The following ANO2 variants were observed in gnomAD, a reference collection of about 807,000 sequenced individuals.
ANO2 encodes anoctamin 2, also known as anoctamin-2.
A neutral mutation model predicts 124.2 loss-of-function variants in ANO2; 101 were observed. The ratio of observed to expected loss-of-function variants is 0.81; its 90% CI spans 0.69 to 0.96. The LOEUF (loss-of-function observed/expected upper bound fraction) is 0.96. ANO2 is among the 40% of genes least tolerant of loss of function. The pLI is 0.00. For missense variants in ANO2, 1,293 were observed against 1,274.5 expected (o/e 1.01, Z -0.22); for synonymous variants, 486 against 482.5 (o/e 1.01, Z -0.09).
intron 14 of ANO2, among the ~76,000 whole-genome samples, chr12:5,708,886 A>C (rs1054226470): frequency 6.6e-5 from 10 of 152,166 alleles, no homozygotes; most frequent in African/African-American, 2.4e-4. Flanking sequence ...ACACAGTCCC[A>C]CACCATTTGT....
In ANO2 at chr12:5,563,525, G is replaced by A. The variant is rs866112601; in HGVS notation, c.2771C>T (p.Pro924Leu). 1 of 1,613,966 alleles carries A rather than the reference G, an allele frequency of 6.2e-7. No individual in the cohort carries two copies. Among genetic ancestry groups the A allele is most frequent in the Non-Finnish European group, 8.5e-7 (1 of 1,179,886 alleles). Residue 924 changes from proline to leucine, a missense_variant, in exon 25 of 25, where the codon CCA becomes CTA. Transcript: ENST00000682330. ...FLSVLVDWMI[P>L]DIPTDISDQI... is the part of the protein sequence containing the mutation. The stretch of plus-strand genomic sequence containing the variant: ...GTCGCTGATGTCCGTGGGGATGTCT[G>A]GAATCATCCAGTCCACGAGGACGCT...
At chr12:5,578,260 A>G (rs1243178262) in intron 21 of ANO2, 106 bp downstream of exon 21, 7 of 1,461,598 alleles carry the variant, frequency 4.8e-6, no homozygotes, top group Non-Finnish European at 6.5e-6. Flanking sequence ...CAAAGGGAAG[A>G]GGGGCTTTCC....
chr12:5,672,267 C>T (rs1173249423), intron 14 of ANO2, among the ~76,000 whole-genome samples: 3 of 152,174 alleles, frequency 2.0e-5, no homozygotes, highest in African/African-American at 4.8e-5. Flanking sequence ...AATATATCAA[C>T]TTTAAGGCCC....
At chr12:5,590,992 G>A (rs868499117) in intron 20 of ANO2, among the ~76,000 whole-genome samples, 1 of 152,082 alleles carries the variant, frequency 6.6e-6, no homozygotes, top group African/African-American at 2.4e-5. Context: ...TTCGAGACCT[G>A]GTCATGGTGA....
chr12:5,837,624 A>G (rs1954372675), intron 4 of ANO2, among the ~76,000 whole-genome samples: 1 of 151,930 alleles, frequency 6.6e-6, no homozygotes, highest in Non-Finnish European at 1.5e-5. Flanking sequence ...ATGGTACATG[A>G]CGAAATGAAG....
intron 10 of ANO2, among the ~76,000 whole-genome samples, chr12:5,793,110 A>T (rs114019853): frequency 4.2e-4 from 64 of 152,266 alleles, no homozygotes; most frequent in African/African-American, 1.5e-3. Flanking sequence ...TGTTGTTTTC[A>T]AATATTTAAA....
At chr12:5,891,463 G>C (rs758553344) in intron 3 of ANO2, among the ~76,000 whole-genome samples, 2 of 152,182 alleles carry the variant, frequency 1.3e-5, no homozygotes, top group Non-Finnish European at 2.9e-5. Context: ...AGGGTAAGTA[G>C]ATTCCAAGAT....
intron 14 of ANO2, among the ~76,000 whole-genome samples, chr12:5,684,229 C>T (rs1948614609): frequency 1.3e-5 from 2 of 152,218 alleles, no homozygotes; most frequent in South Asian, 4.1e-4. Context: ...GCCAGCTGCT[C>T]TCTGGTTTTT....
At chr12:5,944,541 G>T (rs1351547911) in intron 1 of ANO2, among the ~76,000 whole-genome samples, 2 of 152,224 alleles carry the variant, frequency 1.3e-5, no homozygotes, top group Non-Finnish European at 2.9e-5. Context: ...GGCAAAGTCA[G>T]TCCTGCCCAA....
intron 10 of ANO2, among the ~76,000 whole-genome samples, chr12:5,789,830 T>C (rs1952646162): frequency 6.6e-6 from 1 of 152,250 alleles, no homozygotes; most frequent in Admixed American, 6.5e-5. Context: ...TTGCGGTTGT[T>C]GTTGTAACGT....
At chr12:5,641,084 T>C (rs1013662520) in intron 15 of ANO2, among the ~76,000 whole-genome samples, 3 of 152,142 alleles carry the variant, frequency 2.0e-5, no homozygotes, top group Admixed American at 6.5e-5. Context: ...GGGACACGGA[T>C]GCAGCTGGAA....
intron 10 of ANO2, among the ~76,000 whole-genome samples, chr12:5,784,324 C>T (rs1272173235): frequency 6.6e-6 from 1 of 152,228 alleles, no homozygotes; most frequent in African/African-American, 2.4e-5. Flanking sequence ...CAGCATTCAT[C>T]ATGCTGTTGG....
At chr12:5,873,130 G>A (rs1247355887) in intron 3 of ANO2, among the ~76,000 whole-genome samples, 2 of 149,170 alleles carry the variant, frequency 1.3e-5, no homozygotes, top group South Asian at 2.1e-4. Flanking sequence ...AGATAAAGAC[G>A]GAGTGAGGGC....
In ANO2 at chr12:5,756,319, G is replaced by T. The variant is rs567454265; in HGVS notation, c.1056-5349C>A. ...GCAGCTCATTTAAGACAATTATTTTGAGTTCTTTGTCAAGCAGATTATGGA... is the reference window on the plus strand; with the variant it reads ...GCAGCTCATTTAAGACAATTATTTTTAGTTCTTTGTCAAGCAGATTATGGA... On this transcript the variant is annotated intron_variant, in intron 10 of 24. Coordinates refer to ENST00000682330, the MANE Select transcript of ANO2 (RefSeq NM_001364791.2). Among the ~76,000 whole-genome samples, 14 of 151,954 alleles carry T rather than the reference G, an allele frequency of 9.2e-5. No individual in the cohort carries two copies. The South Asian group carries it at 2.9e-3, about 32-fold the overall frequency.
At chr12:5,597,093 T>C (rs56331334) in intron 20 of ANO2, among the ~76,000 whole-genome samples, 25,695 of 152,140 alleles carry the variant, frequency 0.17, 2,505 homozygotes, top group Non-Finnish European at 0.22. Context: ...TTTAATGTTT[T>C]ATTTCTCTTT....
intron 3 of ANO2, among the ~76,000 whole-genome samples, chr12:5,874,631 C>A (rs190135971): frequency 1.3e-5 from 2 of 152,188 alleles, no homozygotes; most frequent in African/African-American, 2.4e-5. Flanking sequence ...GTGCCTCATG[C>A]GACTTGCTGT....
intron 10 of ANO2, among the ~76,000 whole-genome samples, chr12:5,788,947 C>T (rs1952620074): frequency 6.6e-6 from 1 of 152,218 alleles, no homozygotes; most frequent in Non-Finnish European, 1.5e-5. Flanking sequence ...GGGGCTCTGC[C>T]TTCTTTTTCT....
At chr12:5,898,018 T>A (rs538099709) in intron 3 of ANO2, among the ~76,000 whole-genome samples, 1 of 152,120 alleles carries the variant, frequency 6.6e-6, no homozygotes, top group African/African-American at 2.4e-5. Flanking sequence ...CAAGTATAGA[T>A]GAAGAATCCC....
Position 5,880,852 on chromosome 12 carries a change from G to GTGGGTGGGTGGATGGA in ANO2, c.535-26712_535-26711insTCCATCCACCCACCCA, listed in dbSNP as rs149404973. 5.1e-5 allele frequency among the ~76,000 whole-genome samples: 6 copies of GTGGGTGGGTGGATGGA among 117,000 alleles called. No individual in the cohort carries two copies. The East Asian group carries it at 1.4e-3, about 27-fold the overall frequency. 76.8% of individuals were successfully genotyped at this position (117,000 alleles called of 152,430 possible). ...GATGGATAGATGGGTGGGTGGGTGG[G>GTGGGTGGGTGGATGGA]TGGATAGATGGATGAGTGGATGGGT... On this transcript the variant is annotated intron_variant, in intron 3 of 24. Coordinates refer to ENST00000682330, the MANE Select transcript of ANO2 (RefSeq NM_001364791.2).
Sources: gnomAD v4.1 joint callset for allele counts (sites outside exome capture counted in the v4.1 genomes callset) on GRCh38, gnomAD v4.1.1 for gene constraint, MANE v1.5 for transcripts, NCBI Gene and HGNC (gene_info 2026-07-23, HGNC 2026-07-21) for gene names.